RCAN2: variants seen among roughly 807,000 people sequenced by gnomAD.
The protein encoded by RCAN2 is calcipressin-2.
In RCAN2, 9 loss-of-function variants were observed where a neutral mutation model predicts 23.6. That is an observed-to-expected ratio of 0.38 (90% CI 0.23 to 0.67). RCAN2 has a LOEUF of 0.67. Ranked by LOEUF, RCAN2 falls within the 30% of genes least tolerant of loss-of-function variation. RCAN2 has a pLI of 0.51. For synonymous variants in RCAN2, 109 were observed against 115.7 expected (o/e 0.94, Z 0.37); for missense variants, 273 against 302.3 (o/e 0.90, Z 0.72).
chr6:46,352,326 C>T (rs1431247489), intron 2 of RCAN2, among the ~76,000 whole-genome samples: 1 of 152,148 alleles, frequency 6.6e-6, no homozygotes, highest in Non-Finnish European at 1.5e-5. Context: ...AAAGATGGAT[C>T]AATAAGTGTA....
intron 4 of RCAN2, among the ~76,000 whole-genome samples, chr6:46,232,043 T>C (rs982641921): frequency 6.6e-6 from 1 of 152,198 alleles, no homozygotes; most frequent in African/African-American, 2.4e-5. Flanking sequence ...ATTGAATCTC[T>C]GATACAAGCA....
At chr6:46,462,009 CT>C (rs1768230578) in intron 1 of RCAN2, among the ~76,000 whole-genome samples, 1 of 152,194 alleles carries the variant, frequency 6.6e-6, no homozygotes, top group Non-Finnish European at 1.5e-5. Context: ...CTATTTATTA[CT>C]ATTGTTAGGC....
At chr6:46,449,848 G>C (rs143413216) in intron 2 of RCAN2, among the ~76,000 whole-genome samples, 5 of 151,922 alleles carry the variant, frequency 3.3e-5, no homozygotes, top group African/African-American at 1.2e-4. Flanking sequence ...ACTTACATAA[G>C]ACTTAAAACT....
intron 2 of RCAN2, among the ~76,000 whole-genome samples, chr6:46,268,315 A>G (rs1328754542): frequency 6.6e-6 from 1 of 152,224 alleles, no homozygotes; most frequent in African/African-American, 2.4e-5. Context: ...TTGAACTTCC[A>G]GGTTCCTAAT....
chr6:46,303,812 C>T (rs900731134), intron 2 of RCAN2, among the ~76,000 whole-genome samples: 7 of 152,152 alleles, frequency 4.6e-5, no homozygotes, highest in Admixed American at 1.3e-4. Context: ...GAGAGTCATC[C>T]ATCCCATTGA....
Position 46,242,665 on chromosome 6 carries a change from A to G in RCAN2, c.571+4083T>C, listed in dbSNP as rs1582021628. Among the ~76,000 whole-genome samples, 4 of 152,300 alleles carry G rather than the reference A, an allele frequency of 2.6e-5. No homozygotes were observed. The South Asian group carries it at 8.3e-4, about 32-fold the overall frequency. On this transcript the variant is annotated intron_variant, in intron 4 of 4. Coordinates refer to ENST00000371374, the MANE Select transcript of RCAN2 (RefSeq NM_001251974.2). The stretch of plus-strand genomic sequence containing the variant: ...ATTCTTTAACATGCAATTAGTTATA[A>G]TTTGTTACTGAAATGATTCTGCCAA...
intron 2 of RCAN2, among the ~76,000 whole-genome samples, chr6:46,307,429 G>A (rs1319228191): frequency 6.6e-6 from 1 of 152,160 alleles, no homozygotes; most frequent in Non-Finnish European, 1.5e-5. Context: ...TAGCTGAAGA[G>A]TGTATGTGAG....
At chr6:46,326,667 C>A (rs1763805477) in intron 2 of RCAN2, among the ~76,000 whole-genome samples, 2 of 152,218 alleles carry the variant, frequency 1.3e-5, no homozygotes, top group South Asian at 2.1e-4. Context: ...CAGTAGAACT[C>A]ACTAACATTG....
intron 2 of RCAN2, among the ~76,000 whole-genome samples, chr6:46,260,718 C>G (rs968649296): frequency 6.6e-6 from 1 of 152,144 alleles, no homozygotes; most frequent in South Asian, 2.1e-4. Context: ...AGCAAGGTAC[C>G]ATTTGTGGAT....
chr6:46,479,791 C>A (rs1768807922), intron 1 of RCAN2, among the ~76,000 whole-genome samples: 1 of 152,034 alleles, frequency 6.6e-6, no homozygotes, highest in Admixed American at 6.5e-5. Context: ...CCATGTTGGG[C>A]AGGATGTTCT....
Position 46,353,408 on chromosome 6 carries a change from G to T in RCAN2, c.225+103344C>A, listed in dbSNP as rs186802184. 4.2e-3 allele frequency among the ~76,000 whole-genome samples: 638 copies of T among 152,250 alleles called. 6 individuals carry two copies. The highest frequency in any genetic ancestry group is 7.2e-3 in the Non-Finnish European group (488 of 68,032). On this transcript the variant is annotated intron_variant, in intron 2 of 4. Transcript: ENST00000371374. Reference sequence around the variant, plus strand: ...ATACCAGTATCTAGAGACAGTGCAGGTGCAGGTGGGAGCAACTGGAATCTG... The same window carrying T: ...ATACCAGTATCTAGAGACAGTGCAGTTGCAGGTGGGAGCAACTGGAATCTG...
chr6:46,231,208 T>C (rs1247788901), intron 4 of RCAN2, among the ~76,000 whole-genome samples: 2 of 152,084 alleles, frequency 1.3e-5, no homozygotes, highest in Non-Finnish European at 2.9e-5. Flanking sequence ...GACATTGACA[T>C]ATACATAGGG....
At chr6:46,379,508 G>T (rs1228211803) in intron 2 of RCAN2, among the ~76,000 whole-genome samples, 1 of 152,086 alleles carries the variant, frequency 6.6e-6, no homozygotes. Flanking sequence ...ACTCATTTTA[G>T]CCCGGGCAAT....
At chr6:46,342,694 A>G (rs1764365021) in intron 2 of RCAN2, among the ~76,000 whole-genome samples, 1 of 151,668 alleles carries the variant, frequency 6.6e-6, no homozygotes, top group Non-Finnish European at 1.5e-5. Flanking sequence ...TTCCCATGGG[A>G]GCAAAAGTAC....
chr6:46,397,249 G>C (rs1766116579), intron 2 of RCAN2, among the ~76,000 whole-genome samples: 1 of 152,014 alleles, frequency 6.6e-6, no homozygotes, highest in South Asian at 2.1e-4. Flanking sequence ...GTTTCCAGGG[G>C]AGTGGTAACT....
chr6:46,233,609 T>C (rs1765975031), intron 4 of RCAN2, among the ~76,000 whole-genome samples: 1 of 152,220 alleles, frequency 6.6e-6, no homozygotes. Flanking sequence ...CTTCCCCTTT[T>C]TCCATCTGTT....
chr6:46,490,796 T>C (rs1249964429), intron 1 of RCAN2, among the ~76,000 whole-genome samples: 1 of 151,884 alleles, frequency 6.6e-6, no homozygotes, highest in Non-Finnish European at 1.5e-5. Flanking sequence ...TAAGCCTCAG[T>C]CCCGGGGATC....
intron 2 of RCAN2, among the ~76,000 whole-genome samples, chr6:46,329,965 C>A (rs748677550): frequency 9.2e-5 from 14 of 152,208 alleles, no homozygotes; most frequent in Admixed American, 2.0e-4. Context: ...AGCAGCCAAG[C>A]CTGTTTGGCT....
At chr6:46,252,086 C>T (rs1766750155) in intron 2 of RCAN2, among the ~76,000 whole-genome samples, 1 of 152,164 alleles carries the variant, frequency 6.6e-6, no homozygotes, top group Admixed American at 6.5e-5. Context: ...AGAATAGGGA[C>T]TTGCTAGCCT....
Sources: gnomAD v4.1 joint callset for allele counts (sites outside exome capture counted in the v4.1 genomes callset) on GRCh38, gnomAD v4.1.1 for gene constraint, MANE v1.5 for transcripts, NCBI Gene and HGNC (gene_info 2026-07-23, HGNC 2026-07-21) for gene names.